Variants in CADM2 observed in about 807,000 individuals in gnomAD.
The protein encoded by CADM2 is cell adhesion molecule 2.
CADM2 carries 12 observed loss-of-function variants against 49.8 expected under a neutral mutation model. The observed-to-expected ratio is 0.24, with a 90% CI of 0.15 to 0.39. CADM2 has a LOEUF of 0.39. Ranked by LOEUF, CADM2 falls within the 10% of genes least tolerant of loss-of-function variation. CADM2 has a pLI of 1.00. For synonymous variants in CADM2, 214 were observed against 175.4 expected (o/e 1.22, Z -1.74); for missense variants, 378 against 492.3 (o/e 0.77, Z 2.20).
At chr3:85,290,921 G>A (rs1243671566) in intron 1 of CADM2, among the ~76,000 whole-genome samples, 2 of 152,224 alleles carry the variant, frequency 1.3e-5, no homozygotes, top group Non-Finnish European at 2.9e-5. Flanking sequence ...ACCAGCAACG[G>A]AACAAAGCTG....
At chr3:85,021,063 G>A (rs2034481533) in intron 1 of CADM2, among the ~76,000 whole-genome samples, 1 of 142,812 alleles carries the variant, frequency 7.0e-6, no homozygotes, top group South Asian at 2.2e-4. Context: ...GTTGCAGTGA[G>A]CCAAGATTGT....
In CADM2 at chr3:85,865,829, T is replaced by C. The variant is rs369644056; in HGVS notation, c.239-17462T>C. Among the ~76,000 whole-genome samples, 31 of 152,232 alleles carry C rather than the reference T, an allele frequency of 2.0e-4. 1 individual carries two copies. The highest frequency in any genetic ancestry group is 3.4e-3 in the Middle Eastern group (1 of 294). On this transcript the variant is annotated intron_variant, in intron 3 of 9. Transcript: ENST00000383699. The stretch of plus-strand genomic sequence containing the variant: ...TATTATCACAGAAAACTATAATAAA[T>C]CATAGACATGGATAAACCTGAAATG...
At chr3:85,809,740 CCTCCTCTCTCCCTCCCTCCCTCCCT>C (rs2072711136) in intron 3 of CADM2, among the ~76,000 whole-genome samples, 1 of 133,792 alleles carries the variant, frequency 7.5e-6, no homozygotes, top group Admixed American at 7.6e-5. Context: ...TCCCTCCCTC[CCTCCTCTCTCCCTCCCTCCCTCCCT>C]CTCTCTCTCT....
chr3:85,909,905 G>C (rs1717330180), intron 5 of CADM2, among the ~76,000 whole-genome samples: 1 of 152,134 alleles, frequency 6.6e-6, no homozygotes, highest in African/African-American at 2.4e-5. Context: ...AAGAAGGTCA[G>C]CCTAAAATAT....
chr3:85,778,919 C>G (rs538721738), intron 2 of CADM2, among the ~76,000 whole-genome samples: 1 of 152,156 alleles, frequency 6.6e-6, no homozygotes, highest in Non-Finnish European at 1.5e-5. Context: ...TTGTGCAACA[C>G]ACAAAGATCT....
At chr3:84,961,888 A>G (rs13092125) in intron 1 of CADM2, among the ~76,000 whole-genome samples, 35,976 of 152,032 alleles carry the variant, frequency 0.24, 5,351 homozygotes, top group Non-Finnish European at 0.34. Flanking sequence ...TGAATTGTCT[A>G]TTCAGTGCAG....
At chr3:85,976,310 C>G (rs550235779) in intron 8 of CADM2, among the ~76,000 whole-genome samples, 1 of 151,602 alleles carries the variant, frequency 6.6e-6, no homozygotes, top group East Asian at 2.0e-4. Flanking sequence ...ACCTGATTGT[C>G]TAGTGGGACA....
At chr3:85,528,956 T>C (rs2106941698) in intron 1 of CADM2, among the ~76,000 whole-genome samples, 1 of 152,304 alleles carries the variant, frequency 6.6e-6, no homozygotes. Flanking sequence ...CTGGAAATAG[T>C]TAGCTTTATT....
chr3:86,046,066 T>C (rs1248620313), intron 8 of CADM2, among the ~76,000 whole-genome samples: 1 of 152,182 alleles, frequency 6.6e-6, no homozygotes, highest in Non-Finnish European at 1.5e-5. Flanking sequence ...GAACTGAGAT[T>C]GAACAAAATG....
chr3:85,048,141 G>A (rs1241210779), intron 1 of CADM2, among the ~76,000 whole-genome samples: 1 of 151,866 alleles, frequency 6.6e-6, no homozygotes, highest in Admixed American at 6.6e-5. Context: ...GTGCCAAGAC[G>A]ATGTATGGAA....
intron 1 of CADM2, among the ~76,000 whole-genome samples, chr3:85,029,321 A>G (rs1012757590): frequency 6.6e-6 from 1 of 152,176 alleles, no homozygotes; most frequent in Non-Finnish European, 1.5e-5. Context: ...TTGGCATTTC[A>G]TAAATCCAAA....
At chr3:85,594,064 A>G (rs1261433108) in intron 1 of CADM2, among the ~76,000 whole-genome samples, 1 of 151,986 alleles carries the variant, frequency 6.6e-6, no homozygotes, top group African/African-American at 2.4e-5. Flanking sequence ...TGCTGGTTAC[A>G]TATTTGCTGA....
chr3:85,575,869 A>G (rs12632674), intron 1 of CADM2, among the ~76,000 whole-genome samples: 46,367 of 152,140 alleles, frequency 0.3, 8,051 homozygotes, highest in East Asian at 0.55. Context: ...ATTATTCAGC[A>G]TAGAATGAGT....
chr3:85,451,216 T>C (rs1326355549), intron 1 of CADM2, among the ~76,000 whole-genome samples: 3 of 152,110 alleles, frequency 2.0e-5, no homozygotes, highest in African/African-American at 7.2e-5. Context: ...ATGGGATAAT[T>C]AAAAGACCAG....
chr3:85,729,094 G>T (rs755036416), intron 2 of CADM2, among the ~76,000 whole-genome samples: 1 of 152,000 alleles, frequency 6.6e-6, no homozygotes, highest in African/African-American at 2.4e-5. Context: ...ATCCAAGGGT[G>T]GTTTCTCAAT....
intron 1 of CADM2, among the ~76,000 whole-genome samples, chr3:85,152,126 A>G (rs2039941928): frequency 2.0e-5 from 3 of 151,994 alleles, no homozygotes; most frequent in East Asian, 1.9e-4. Flanking sequence ...CTACCCAGGG[A>G]CCATTTTCTG....
intron 1 of CADM2, among the ~76,000 whole-genome samples, chr3:85,299,100 G>C (rs72921317): frequency 0.066 from 10,081 of 152,012 alleles, 1,092 homozygotes; most frequent in African/African-American, 0.23. Flanking sequence ...TTAAAAATCT[G>C]TTCCTATCTC....
intron 1 of CADM2, among the ~76,000 whole-genome samples, chr3:85,460,415 A>ACC (rs2038190852): frequency 6.6e-6 from 1 of 152,150 alleles, no homozygotes; most frequent in African/African-American, 2.4e-5. Flanking sequence ...ACACTTATTG[A>ACC]TCTATAATTA....
At chr3:85,837,652 A>T (rs924749591) in intron 3 of CADM2, among the ~76,000 whole-genome samples, 8 of 151,722 alleles carry the variant, frequency 5.3e-5, no homozygotes, top group Non-Finnish European at 1.2e-4. Context: ...TTTGGGCTAG[A>T]ACAAGAATCT....
Sources: gnomAD v4.1 joint callset for allele counts (sites outside exome capture counted in the v4.1 genomes callset) on GRCh38, gnomAD v4.1.1 for gene constraint, MANE v1.5 for transcripts, NCBI Gene and HGNC (gene_info 2026-07-23, HGNC 2026-07-21) for gene names.